The following PPFIBP2 variants were observed in gnomAD, a reference collection of about 807,000 sequenced individuals.
PPFIBP2 encodes the protein PPFIB scaffold protein 2.
A neutral mutation model predicts 118.3 loss-of-function variants in PPFIBP2; 118 were observed. That is an observed-to-expected ratio of 1.00 (90% CI 0.86 to 1.16). PPFIBP2 has a LOEUF of 1.16. PPFIBP2 is among the 50% of genes most tolerant of loss of function. PPFIBP2 has a pLI of 0.00. For missense variants in PPFIBP2, 1,195 were observed against 1,073.1 expected (o/e 1.11, Z -1.59); for synonymous variants, 414 against 397.4 (o/e 1.04, Z -0.50).
intron 7 of PPFIBP2, among the ~76,000 whole-genome samples, chr11:7,622,102 C>T (rs1389800354): frequency 6.6e-6 from 1 of 152,198 alleles, no homozygotes; most frequent in East Asian, 1.9e-4. Context: ...TTAATTGGCT[C>T]AGGGTACTGC....
chr11:7,587,127 T>C (rs1858355032), intron 3 of PPFIBP2, among the ~76,000 whole-genome samples: 1 of 152,174 alleles, frequency 6.6e-6, no homozygotes, highest in Non-Finnish European at 1.5e-5. Flanking sequence ...ACCTTTTTGC[T>C]CTACATGGGA....
chr11:7,605,673 C>T, intron 5 of PPFIBP2: 1 of 1,281,852 alleles, frequency 7.8e-7, no homozygotes, highest in Non-Finnish European at 9.9e-7. Flanking sequence ...ATAAGGAGAA[C>T]AATGTTGCTT....
chr11:7,641,814 A>G, intron 16 of PPFIBP2, 194 bp downstream of exon 16: 2 of 630,302 alleles, frequency 3.2e-6, no homozygotes, highest in Non-Finnish European at 5.4e-6. Flanking sequence ...CCCATTGAAT[A>G]TATCCAGTTG....
intron 7 of PPFIBP2, among the ~76,000 whole-genome samples, chr11:7,622,727 T>C (rs1221198337): frequency 6.6e-6 from 1 of 152,210 alleles, no homozygotes; most frequent in Non-Finnish European, 1.5e-5. Flanking sequence ...TAGTTTTGTA[T>C]GTGTATGCTT....
At chr11:7,617,192 C>T in intron 6 of PPFIBP2, 2 of 985,400 alleles carry the variant, frequency 2.0e-6, no homozygotes, top group Non-Finnish European at 2.4e-6. Flanking sequence ...TTCAAGAGCG[C>T]CTGTTACTCA....
intron 3 of PPFIBP2, among the ~76,000 whole-genome samples, chr11:7,588,531 G>A (rs1858628191): frequency 2.0e-5 from 3 of 152,346 alleles, no homozygotes; most frequent in East Asian, 3.9e-4. Context: ...AGTGGTAGCA[G>A]TTTGGGTCTT....
downstream of PPFIBP2, among the ~76,000 whole-genome samples, chr11:7,656,368 C>A (rs2136076851): frequency 6.6e-6 from 1 of 152,290 alleles, no homozygotes. Context: ...ACACGACTCT[C>A]CTTGTTTTCA....
At chr11:7,609,408 A>C (rs780778312) in intron 5 of PPFIBP2, among the ~76,000 whole-genome samples, 3 of 152,192 alleles carry the variant, frequency 2.0e-5, no homozygotes, top group Non-Finnish European at 4.4e-5. Context: ...TTTGGACCTC[A>C]TAGGACATTG....
intron 23 of PPFIBP2, 28 bp from the exon 24 acceptor site, chr11:7,652,996 T>G (rs143444560): frequency 1.5e-5 from 24 of 1,589,910 alleles, no homozygotes; most frequent in African/African-American, 4.0e-5. Flanking sequence ...GATTGCCTTC[T>G]CATAATCTTG....
chr11:7,619,384 C>T (rs1849071781), intron 6 of PPFIBP2, among the ~76,000 whole-genome samples: 1 of 152,094 alleles, frequency 6.6e-6, no homozygotes, highest in South Asian at 2.1e-4. Context: ...GAGAGAGGAA[C>T]TGAAAATTAT....
chr11:7,634,912 A>G lies in PPFIBP2; in HGVS notation c.1194+360A>G, dbSNP rs71474918. The stretch of plus-strand genomic sequence containing the variant: ...AGGGAAGATCTTGACTACTAGTCCT[A>G]TATCCCTGGGGCACTTGGGGACATC... On this transcript the variant is annotated intron_variant, in intron 13 of 23. Transcript: ENST00000299492. Among the ~76,000 whole-genome samples, 847 of 152,272 alleles carry G rather than the reference A, an allele frequency of 5.6e-3. 3 individuals are homozygous for G. Among genetic ancestry groups the G allele is most frequent in the Admixed American group, 0.012 (180 of 15,294 alleles).
rs770571492 is a variant in PPFIBP2 at position 7,641,525 on chromosome 11, C to G, written c.1422C>G (p.Leu474=). 3 of 1,613,688 alleles carry G rather than the reference C, an allele frequency of 1.9e-6. No individual in the cohort carries two copies. The South Asian group carries it at 3.3e-5, about 18-fold the overall frequency. Residue 474 remains leucine, a synonymous_variant, in exon 16 of 24, where the codon CTC becomes CTG. Transcript: ENST00000299492. ...ACGACACTGCTGTGGTCAATGACCT[C>G]TCATCCACATCATCGGGCACTGAAT... The part of the protein sequence containing the change: ...GWDDTAVVND[L]SSTSSGTESG...
In PPFIBP2 at chr11:7,651,639, C is replaced by T; in HGVS notation, c.2248-17C>T. On this transcript the variant is annotated splice_polypyrimidine_tract_variant and intron_variant, in intron 22 of 23. Coordinates refer to ENST00000299492, the MANE Select transcript of PPFIBP2 (RefSeq NM_003621.5). Reference sequence around the variant, plus strand: ...TGTATTTGCTCCTGGCCAGGCTTGTCTCTGGTTCCTTCTTAGATCCTGGAG... The same window carrying T: ...TGTATTTGCTCCTGGCCAGGCTTGTTTCTGGTTCCTTCTTAGATCCTGGAG... 1 of 1,589,324 alleles carries T rather than the reference C, an allele frequency of 6.3e-7. No homozygotes were observed.
chr11:7,594,821 G>A (rs11041471), intron 4 of PPFIBP2, among the ~76,000 whole-genome samples: 172 of 150,280 alleles, frequency 1.1e-3, no homozygotes, highest in Non-Finnish European at 2.1e-3. Flanking sequence ...GAAGGCTGAC[G>A]TAGGAGAATT....
the PPFIBP2 span, chr11:7,666,044 T>G: frequency 3.7e-6 from 3 of 802,146 alleles, no homozygotes; most frequent in South Asian, 4.7e-5. Flanking sequence ...AGCAGCTGTC[T>G]GGGGGCTCAG....
chr11:7,621,955 C>G (rs2135633518), intron 7 of PPFIBP2, among the ~76,000 whole-genome samples: 1 of 152,308 alleles, frequency 6.6e-6, no homozygotes, highest in South Asian at 2.1e-4. Flanking sequence ...GAATAAAAAG[C>G]ACTCATACCA....
chr11:7,612,039 ACACT>A (rs1444490658), intron 6 of PPFIBP2, among the ~76,000 whole-genome samples: 2 of 152,254 alleles, frequency 1.3e-5, no homozygotes, highest in African/African-American at 2.4e-5. Flanking sequence ...AAAGTGGCAG[ACACT>A]CAACTCAAAG....
At chr11:7,567,944 T>A (rs1855194442) in intron 3 of PPFIBP2, among the ~76,000 whole-genome samples, 1 of 152,162 alleles carries the variant, frequency 6.6e-6, no homozygotes, top group Non-Finnish European at 1.5e-5. Flanking sequence ...CTCAGTTGAA[T>A]TATTTTTTTA....
the PPFIBP2 span, chr11:7,665,846 C>G: frequency 1.3e-6 from 2 of 1,535,704 alleles, no homozygotes; most frequent in Non-Finnish European, 1.7e-6. Context: ...TGAATCAGTA[C>G]AGCCAGCTGG....
Sources: gnomAD v4.1 joint callset for allele counts (sites outside exome capture counted in the v4.1 genomes callset) on GRCh38, gnomAD v4.1.1 for gene constraint, MANE v1.5 for transcripts, NCBI Gene and HGNC (gene_info 2026-07-23, HGNC 2026-07-21) for gene names.